DLG1: variants seen among roughly 807,000 people sequenced by gnomAD.
The protein encoded by DLG1 is discs large MAGUK scaffold protein 1, also known as disks large homolog 1.
In DLG1, 42 loss-of-function variants were observed where a neutral mutation model predicts 123.4. The ratio of observed to expected loss-of-function variants is 0.34; its 90% CI spans 0.27 to 0.44. The LOEUF (loss-of-function observed/expected upper bound fraction) is 0.44, where lower values mean the gene tolerates loss of function less well. Ranked by LOEUF, DLG1 falls within the 20% of genes least tolerant of loss-of-function variation. The probability of loss-of-function intolerance (pLI) is 1.00; values close to 1 mark genes in which losing one functional copy is unlikely to be tolerated. For synonymous variants in DLG1, 317 were observed against 356.2 expected, an observed-to-expected ratio of 0.89 and a Z score of 1.24; for missense variants, 942 against 1,082.6, an observed-to-expected ratio of 0.87 and a Z score of 1.82.
chr3:197,219,410 C>CGAAT (rs780526525), intron 4 of DLG1, among the ~76,000 whole-genome samples: 7 of 152,192 alleles, frequency 4.6e-5, no homozygotes, highest in Non-Finnish European at 8.8e-5. Context: ...ACCTAATTTA[C>CGAAT]GAATGCTCAG....
At chr3:197,278,626 G>T (rs1767698707) in intron 4 of DLG1, among the ~76,000 whole-genome samples, 1 of 151,706 alleles carries the variant, frequency 6.6e-6, no homozygotes, top group African/African-American at 2.4e-5. Context: ...AAGAAAATGG[G>T]ATACTAATCC....
chr3:197,120,505 TTTC>T (rs1280572539), intron 11 of DLG1, among the ~76,000 whole-genome samples: 1 of 152,188 alleles, frequency 6.6e-6, no homozygotes, highest in East Asian at 1.9e-4. Context: ...AATATTTAAC[TTTC>T]TTGAGGCTTC....
chr3:197,068,661 T>C (rs1741416569), intron 19 of DLG1: 2 of 600,892 alleles, frequency 3.3e-6, no homozygotes, highest in Middle Eastern at 2.6e-4. Context: ...AAACATCACA[T>C]GCTTGTGCAG....
At chr3:197,076,021 G>C (rs1030287848) in intron 18 of DLG1, 1 of 521,934 alleles carries the variant, frequency 1.9e-6, no homozygotes, top group African/African-American at 2.0e-5. Flanking sequence ...CATATTTCTA[G>C]AACTTTGAAA....
At chr3:197,066,812 A>G (rs929067889) in intron 19 of DLG1, 58 bp from the exon 20 acceptor site, 1 of 1,196,994 alleles carries the variant, frequency 8.4e-7, no homozygotes, top group South Asian at 1.3e-5. Flanking sequence ...TGCTAATCTA[A>G]TTCTTCATAA....
intron 4 of DLG1, among the ~76,000 whole-genome samples, chr3:197,224,667 C>T (rs1173831057): frequency 6.6e-6 from 1 of 152,056 alleles, no homozygotes; most frequent in Non-Finnish European, 1.5e-5. Context: ...TTTCTGAAAT[C>T]TCAGTAGGAA....
chr3:197,129,456 GTTGGT>G (rs1781418038), intron 11 of DLG1, among the ~76,000 whole-genome samples: 1 of 152,194 alleles, frequency 6.6e-6, no homozygotes, highest in Non-Finnish European at 1.5e-5. Flanking sequence ...GAATCTTATG[GTTGGT>G]TTGATCTATC....
intron 23 of DLG1, among the ~76,000 whole-genome samples, chr3:197,055,253 T>C (rs1171444905): frequency 2.6e-5 from 4 of 152,216 alleles, no homozygotes; most frequent in Admixed American, 6.5e-5. Flanking sequence ...GCTGGGCCTA[T>C]CACTTTCTTG....
intron 4 of DLG1, among the ~76,000 whole-genome samples, chr3:197,206,828 TAATA>T (rs137952590): frequency 0.75 from 114,128 of 151,208 alleles, 43,170 homozygotes; most frequent in East Asian, 0.81. Flanking sequence ...TGTAAAAAAT[TAATA>T]AATAAATAAA....
intron 16 of DLG1, among the ~76,000 whole-genome samples, chr3:197,082,716 A>G (rs1751925930): frequency 6.6e-6 from 1 of 152,212 alleles, no homozygotes; most frequent in African/African-American, 2.4e-5. Flanking sequence ...ACGAAATGGC[A>G]TAATTAGTTG....
At chr3:197,190,773 G>A (rs1280365966) in intron 5 of DLG1, among the ~76,000 whole-genome samples, 3 of 152,228 alleles carry the variant, frequency 2.0e-5, no homozygotes, top group Admixed American at 2.0e-4. Context: ...CACTGTGGGA[G>A]GCCGAGGCGG....
At chr3:197,100,454 C>A (rs1156434106) in intron 14 of DLG1, among the ~76,000 whole-genome samples, 2 of 152,024 alleles carry the variant, frequency 1.3e-5, no homozygotes, top group African/African-American at 2.4e-5. Context: ...AAATATAAGA[C>A]CTAACCAATG....
intron 5 of DLG1, chr3:197,183,720 G>T (rs1458600223): frequency 6.4e-7 from 1 of 1,550,454 alleles, no homozygotes; most frequent in Admixed American, 2.0e-5. Flanking sequence ...TTTCTGCTTT[G>T]GGCCTGCTGA....
intron 5 of DLG1, among the ~76,000 whole-genome samples, chr3:197,179,376 T>C (rs1469621676): frequency 6.6e-6 from 1 of 152,068 alleles, no homozygotes; most frequent in African/African-American, 2.4e-5. Context: ...AAACTGGTAG[T>C]CTCATCAAGA....
intron 23 of DLG1, among the ~76,000 whole-genome samples, chr3:197,053,767 T>C (rs1729618527): frequency 8.1e-6 from 1 of 123,368 alleles, no homozygotes; most frequent in South Asian, 2.9e-4. Flanking sequence ...GAGTAGACCC[T>C]GTCTCATAAA....
intron 11 of DLG1, among the ~76,000 whole-genome samples, chr3:197,120,273 GAAAAAA>G (rs3050713): frequency 7.8e-6 from 1 of 127,600 alleles, no homozygotes; most frequent in South Asian, 2.4e-4. Context: ...TCTCGAGAAA[GAAAAAA>G]AAAAAAAAAA....
intron 15 of DLG1, among the ~76,000 whole-genome samples, chr3:197,089,837 G>A (rs1756733420): frequency 6.6e-6 from 1 of 152,068 alleles, no homozygotes; most frequent in Non-Finnish European, 1.5e-5. Context: ...AATGAGTACT[G>A]CTAGAATTGG....
intron 3 of DLG1, among the ~76,000 whole-genome samples, chr3:197,287,770 A>G (rs1772559235): frequency 6.6e-6 from 1 of 152,252 alleles, no homozygotes; most frequent in Non-Finnish European, 1.5e-5. Context: ...GGTATATTCC[A>G]TATATCAGAG....
In DLG1 at chr3:197,065,733, A is replaced by T. The variant is rs1475571207; in HGVS notation, c.2175T>A (p.Pro725=). Residue 725 remains proline, a synonymous_variant, in exon 21 of 25, where the codon CCT becomes CCA. Coordinates refer to ENST00000667157, the MANE Select transcript of DLG1 (RefSeq NM_001366207.1). ...GAGGAACACAGGATCCAAATTTGTC[A>T]GGAAATTCTGAGATCAAGTCATCAT... is the stretch of plus-strand genomic sequence containing the variant. ...RINDDLISEF[P]DKFGSCVPHT... 33 of 1,611,632 alleles carry T rather than the reference A, an allele frequency of 2.0e-5. No individual in the cohort carries two copies. Among genetic ancestry groups the T allele is most frequent in the Non-Finnish European group, 2.7e-5 (32 of 1,178,412 alleles).
Sources: allele counts gnomAD v4.1 joint callset (sites outside exome capture counted in the v4.1 genomes callset), GRCh38; gene constraint gnomAD v4.1.1; transcripts MANE v1.5; gene names NCBI Gene and HGNC (gene_info 2026-07-23, HGNC 2026-07-21).